The following SP4 variants were observed in gnomAD, a reference collection of about 807,000 sequenced individuals.
SP4 encodes the protein Sp4 transcription factor.
SP4 carries 19 observed loss-of-function variants against 72.8 expected under a neutral mutation model. The ratio of observed to expected loss-of-function variants is 0.26; its 90% CI spans 0.18 to 0.38. SP4 has a LOEUF of 0.38. Among genes scored for constraint, SP4 ranks in the 10% least tolerant of loss-of-function variants. The probability of loss-of-function intolerance (pLI) is 1.00; values close to 1 mark genes in which losing one functional copy is unlikely to be tolerated. For missense variants in SP4, 1,008 were observed against 926.3 expected (o/e 1.09, Z -1.14); for synonymous variants, 395 against 333.1 (o/e 1.19, Z -2.02).
chr7:21,475,863 T>C (rs951329661), intron 3 of SP4, among the ~76,000 whole-genome samples: 3 of 152,216 alleles, frequency 2.0e-5, no homozygotes, highest in African/African-American at 7.2e-5. Context: ...ATCAACTTTC[T>C]GAGGTAGAAA....
intron 4 of SP4, among the ~76,000 whole-genome samples, chr7:21,480,386 G>A (rs576211305): frequency 5.3e-5 from 8 of 152,174 alleles, no homozygotes; most frequent in Non-Finnish European, 1.0e-4. Flanking sequence ...TTTTAATTAC[G>A]AATTCAGTCT....
Position 21,482,020 on chromosome 7 carries a change from T to A in SP4, c.2004T>A (p.Leu668=). The stretch of plus-strand genomic sequence containing the variant: ...AAACATCTCATTTACGAGCACATCT[T>A]CGCTGGCATACTGGAGAAAGACCTT... ...YGKTSHLRAH[L]RWHTGERPFI... is the part of the protein sequence containing the mutation. The change falls in exon 5 of 6, where the codon CTT becomes CTA. Residue 668 remains leucine, a synonymous_variant. Coordinates refer to ENST00000222584, the MANE Select transcript of SP4 (RefSeq NM_003112.5). 6.2e-7 allele frequency: 1 copy of A among 1,614,000 alleles called. No homozygotes were observed.
chr7:21,459,884 C>T (rs1783899432), intron 3 of SP4, among the ~76,000 whole-genome samples: 1 of 152,164 alleles, frequency 6.6e-6, no homozygotes, highest in Non-Finnish European at 1.5e-5. Context: ...AAGCCTTTGC[C>T]TTCCAAAAGG....
Position 21,429,278 on chromosome 7 carries a change from A to T in SP4, c.124-11A>T, listed in dbSNP as rs1467606994. On this transcript the variant is annotated splice_polypyrimidine_tract_variant and intron_variant, in intron 2 of 5. Coordinates refer to ENST00000222584, the MANE Select transcript of SP4 (RefSeq NM_003112.5). ...CCCCCCCCCTCTCCTTTACCGTCCC[A>T]TTTTGGGTAGGACTCTCAGCCCTCT... 1 of 1,329,622 alleles carries T rather than the reference A, an allele frequency of 7.5e-7. No homozygotes were observed. Among genetic ancestry groups the T allele is most frequent in the South Asian group, 1.3e-5 (1 of 79,530 alleles). 82.4% of individuals were successfully genotyped at this position (1,329,622 alleles called of 1,614,324 possible). A position where few individuals can be genotyped will look rare whatever the true frequency, so the allele number is the denominator to read the frequency against.
chr7:21,503,935 G>A (rs891762948), intron 5 of SP4, among the ~76,000 whole-genome samples: 1 of 152,180 alleles, frequency 6.6e-6, no homozygotes, highest in African/African-American at 2.4e-5. Context: ...TTTGTGTAAT[G>A]TAGATACTAG....
intron 5 of SP4, among the ~76,000 whole-genome samples, chr7:21,488,014 C>T (rs533092187): frequency 1.1e-4 from 17 of 152,102 alleles, no homozygotes; most frequent in African/African-American, 3.1e-4. Context: ...CAGGTGCATG[C>T]CACCACACCT....
At chr7:21,493,397 C>A (rs1394265020) in intron 5 of SP4, among the ~76,000 whole-genome samples, 1 of 152,014 alleles carries the variant, frequency 6.6e-6, no homozygotes, top group African/African-American at 2.4e-5. Context: ...TAAAGCAGTG[C>A]TTAGAGGAAA....
At chr7:21,428,351 C>T (rs1782695023) in intron 1 of SP4, 93 bp downstream of exon 1, 1 of 726,280 alleles carries the variant, frequency 1.4e-6, no homozygotes, top group Admixed American at 2.0e-5. Context: ...TCCCCCGGGG[C>T]CGCTGAGATG....
chr7:21,437,585 A>G (rs1330610906), intron 3 of SP4, among the ~76,000 whole-genome samples: 3 of 152,146 alleles, frequency 2.0e-5, no homozygotes, highest in Non-Finnish European at 4.4e-5. Context: ...TGGTGCTTAT[A>G]TGATAGAACT....
intron 5 of SP4, among the ~76,000 whole-genome samples, chr7:21,488,204 G>A (rs1045490931): frequency 2.6e-5 from 4 of 152,082 alleles, no homozygotes; most frequent in African/African-American, 9.7e-5. Flanking sequence ...GTGGAACACT[G>A]TGTTACACTG....
chr7:21,473,827 G>A (rs1304272540), intron 3 of SP4, among the ~76,000 whole-genome samples: 1 of 152,180 alleles, frequency 6.6e-6, no homozygotes, highest in Admixed American at 6.5e-5. Flanking sequence ...CAGGTGCAGA[G>A]TGAGCAAGGG....
At chr7:21,482,430 AAG>A (rs1784713006) in intron 5 of SP4, among the ~76,000 whole-genome samples, 1 of 152,112 alleles carries the variant, frequency 6.6e-6, no homozygotes, top group Admixed American at 6.5e-5. Flanking sequence ...AATAGGTGAA[AAG>A]AGAGTTGAAT....
rs754307799 is a variant in SP4, at chr7:21,429,523, C to G, written c.358C>G (p.Pro120Ala). ...PASKENNVSQ[P>A]ASSSSSSSSS... ...TTCAAAAGAGAATAACGTTTCTCAA[C>G]CAGCCTCTAGTTCGTCTAGTTCTTC... Residue 120 changes from proline (P) to alanine (A), a missense_variant, in exon 3 of 6, where the codon CCA becomes GCA. Physicochemically the swap from Pro to Ala is conservative, Grantham distance 27. Around this residue, in one of 3 missense-constraint regions of SP4, gnomAD observed 893 missense variants for 743.3 expected, o/e 1.20. Transcript: ENST00000222584. 2 of 1,614,140 alleles carry G rather than the reference C, an allele frequency of 1.2e-6. No homozygotes were observed. The highest frequency in any genetic ancestry group is 4.5e-5 in the East Asian group (2 of 44,876).
chr7:21,442,479 T>G (rs7778625), intron 3 of SP4, among the ~76,000 whole-genome samples: 33,746 of 152,170 alleles, frequency 0.22, 3,823 homozygotes, highest in Middle Eastern at 0.44. Context: ...AATATCTATA[T>G]ATGTCATACA....
intron 3 of SP4, among the ~76,000 whole-genome samples, chr7:21,434,560 T>C (rs996478852): frequency 6.6e-6 from 1 of 152,214 alleles, no homozygotes; most frequent in African/African-American, 2.4e-5. Flanking sequence ...CTGCATACTT[T>C]TTGTTTTGTT....
Position 21,428,273 on chromosome 7 carries a change from C to T in SP4, c.7+15C>T, listed in dbSNP as rs1233297706. ...CGGGATGAGCGGTACGTATTCTCCA[C>T]CCCCCTCAGTCTCCTTCGCCGCCTC... On this transcript the variant is annotated intron_variant, in intron 1 of 5. Transcript: ENST00000222584. The T allele has an allele frequency of 5.5e-6, 8 of 1,459,906 alleles. No homozygotes were observed. Among genetic ancestry groups the T allele is most frequent in the South Asian group, 1.2e-5 (1 of 82,486 alleles). 90.4% of individuals were successfully genotyped at this position (1,459,906 alleles called of 1,614,324 possible). A position where few individuals can be genotyped will look rare whatever the true frequency, so the allele number is the denominator to read the frequency against.
chr7:21,499,815 A>G (rs1388643564), intron 5 of SP4, among the ~76,000 whole-genome samples: 1 of 152,230 alleles, frequency 6.6e-6, no homozygotes, highest in Non-Finnish European at 1.5e-5. Flanking sequence ...AGTATGTTTC[A>G]TACATTGTCA....
At chr7:21,450,629 T>G (rs1783560354) in intron 3 of SP4, among the ~76,000 whole-genome samples, 1 of 152,200 alleles carries the variant, frequency 6.6e-6, no homozygotes, top group Non-Finnish European at 1.5e-5. Context: ...AGAAGAAATT[T>G]AGGTTAAGGA....
At chr7:21,502,051 C>T (rs1032313607) in intron 5 of SP4, among the ~76,000 whole-genome samples, 5 of 81,952 alleles carry the variant, frequency 6.1e-5, no homozygotes, top group Admixed American at 2.1e-4. Flanking sequence ...CCCCCCCCCC[C>T]CCGGAACTCC....
Sources: allele counts gnomAD v4.1 joint callset (sites outside exome capture counted in the v4.1 genomes callset), GRCh38; gene constraint gnomAD v4.1.1; regional missense constraint gnomAD v4.1.1; transcripts MANE v1.5; gene names NCBI Gene and HGNC (gene_info 2026-07-23, HGNC 2026-07-21).